Variants in C12orf54 observed in about 807,000 individuals in gnomAD.
The protein encoded by C12orf54 is chromosome 12 open reading frame 54, also known as uncharacterized protein C12orf54.
In C12orf54, 24 loss-of-function variants were observed where a neutral mutation model predicts 26.4. The observed-to-expected ratio is 0.91, with a 90% CI of 0.66 to 1.28. The LOEUF (loss-of-function observed/expected upper bound fraction) is 1.28, where lower values mean the gene tolerates loss of function less well. Ranked by LOEUF, C12orf54 falls within the 50% of genes most tolerant of loss-of-function variation. C12orf54 has a pLI of 0.00. For missense variants in C12orf54, 154 were observed against 150.9 expected, an observed-to-expected ratio of 1.02 and a Z score of -0.11; for synonymous variants, 54 against 47.0, an observed-to-expected ratio of 1.15 and a Z score of -0.61.
the C12orf54 span, chr12:48,473,662 T>TG: frequency 1.9e-5 from 5 of 257,498 alleles, no homozygotes; most frequent in South Asian, 2.4e-4. Flanking sequence ...CCAGTTTTTG[T>TG]CCCTGTAAAT....
the C12orf54 span, among the ~76,000 whole-genome samples, chr12:48,451,071 G>GA: frequency 2.0e-5 from 3 of 152,184 alleles, no homozygotes; most frequent in East Asian, 1.9e-4. Context: ...GAACATCAAA[G>GA]AAAAAATCCT....
chr12:48,417,595 G>A, the C12orf54 span, among the ~76,000 whole-genome samples: 4 of 151,984 alleles, frequency 2.6e-5, no homozygotes, highest in Non-Finnish European at 5.9e-5. Flanking sequence ...TTCAGCTTTC[G>A]TTTTAGATTC....
chr12:48,451,621 C>T, the C12orf54 span, among the ~76,000 whole-genome samples: 1 of 152,192 alleles, frequency 6.6e-6, no homozygotes, highest in Non-Finnish European at 1.5e-5. Flanking sequence ...GCTTCTTAAG[C>T]TGATAAGCAA....
the C12orf54 span, among the ~76,000 whole-genome samples, chr12:48,474,396 A>G: frequency 1.3e-5 from 2 of 152,144 alleles, no homozygotes; most frequent in African/African-American, 4.8e-5. Context: ...CAGTAGGTGC[A>G]GGACAGTGGG....
chr12:48,434,057 C>G, the C12orf54 span, among the ~76,000 whole-genome samples: 1 of 152,208 alleles, frequency 6.6e-6, no homozygotes, highest in African/African-American at 2.4e-5. Flanking sequence ...TCGGGTCACT[C>G]CCACCCTAAT....
the C12orf54 span, among the ~76,000 whole-genome samples, chr12:48,420,311 G>T: frequency 6.6e-6 from 1 of 152,178 alleles, no homozygotes; most frequent in East Asian, 1.9e-4. Flanking sequence ...TTCCTTATAT[G>T]TATGGATGTA....
At chr12:48,448,987 C>G in the C12orf54 span, among the ~76,000 whole-genome samples, 1 of 152,152 alleles carries the variant, frequency 6.6e-6, no homozygotes, top group Non-Finnish European at 1.5e-5. Flanking sequence ...GAAGAGGGGG[C>G]AGCTATGGGC....
chr12:48,495,015 C>T, intron 8 of C12orf54, 36 bp downstream of exon 8: 1 of 1,490,708 alleles, frequency 6.7e-7, no homozygotes, highest in Non-Finnish European at 9.2e-7. Context: ...CTGAGCTCCA[C>T]CCTGCCCATC....
chr12:48,482,861 G>A (rs1321338673), intron 1 of C12orf54, among the ~76,000 whole-genome samples: 2 of 151,976 alleles, frequency 1.3e-5, no homozygotes, highest in Non-Finnish European at 2.9e-5. Context: ...TCCTGTCCTT[G>A]CCTGAACTCA....
chr12:48,487,863 T>C lies in C12orf54; in HGVS notation c.136-1061T>C, dbSNP rs145560663. 2.4e-4 allele frequency: 129 copies of C among 545,874 alleles called. 2 individuals carry two copies. The highest frequency in any genetic ancestry group is 2.0e-3 in the African/African-American group (105 of 53,170). 33.8% of individuals were successfully genotyped at this position (545,874 alleles called of 1,614,324 possible). On this transcript the variant is annotated intron_variant, in intron 4 of 8. Transcript: ENST00000548364. ...ACAGTTCCAACAGTCACTGGATCCA[T>C]TCATGGCTGGGTAACACAGTAGGTG...
At chr12:48,413,837 C>T in the C12orf54 span, among the ~76,000 whole-genome samples, 1 of 152,146 alleles carries the variant, frequency 6.6e-6, no homozygotes, top group Non-Finnish European at 1.5e-5. Context: ...AACTAAATGA[C>T]ATCTCAAATT....
chr12:48,448,745 A>G, the C12orf54 span, among the ~76,000 whole-genome samples: 1 of 152,208 alleles, frequency 6.6e-6, no homozygotes, highest in East Asian at 1.9e-4. Context: ...TTTTAATTGA[A>G]TACAATACTT....
the C12orf54 span, among the ~76,000 whole-genome samples, chr12:48,456,581 C>T: frequency 2.1e-4 from 32 of 152,230 alleles, no homozygotes; most frequent in South Asian, 8.3e-4. Flanking sequence ...CCTCGCCTGC[C>T]GTGACCTTGG....
intron 6 of C12orf54, among the ~76,000 whole-genome samples, chr12:48,492,401 C>A (rs1343550508): frequency 6.6e-6 from 1 of 152,184 alleles, no homozygotes; most frequent in Non-Finnish European, 1.5e-5. Flanking sequence ...CCAAGCTTAC[C>A]TCTGCTTAGA....
chr12:48,474,567 T>C, the C12orf54 span, among the ~76,000 whole-genome samples: 2 of 152,168 alleles, frequency 1.3e-5, no homozygotes, highest in African/African-American at 2.4e-5. Context: ...TCCAATGGGC[T>C]TAAAAAAAGC....
At chr12:48,452,284 G>A in the C12orf54 span, among the ~76,000 whole-genome samples, 1 of 152,106 alleles carries the variant, frequency 6.6e-6, no homozygotes, top group Admixed American at 6.5e-5. Flanking sequence ...CTAGCCATAC[G>A]CAGATAGTTG....
At chr12:48,474,438 C>T in the C12orf54 span, among the ~76,000 whole-genome samples, 4 of 152,272 alleles carry the variant, frequency 2.6e-5, no homozygotes, top group Middle Eastern at 3.4e-3. Flanking sequence ...CGAAGCAGGG[C>T]GAGGCATCAT....
upstream of C12orf54, among the ~76,000 whole-genome samples, chr12:48,478,727 A>G (rs1182050453): frequency 6.6e-6 from 1 of 152,226 alleles, no homozygotes; most frequent in Non-Finnish European, 1.5e-5. Context: ...ACACTTCTCA[A>G]AAGAAGACAT....
upstream of C12orf54, among the ~76,000 whole-genome samples, chr12:48,481,212 A>ATTT (rs1565569267): frequency 2.6e-3 from 96 of 36,476 alleles, no homozygotes; most frequent in African/African-American, 0.024. Context: ...TTTTTTTTTA[A>ATTT]AAAAAATGAC....
Sources: allele counts gnomAD v4.1 joint callset (sites outside exome capture counted in the v4.1 genomes callset), GRCh38; gene constraint gnomAD v4.1.1; transcripts MANE v1.5; gene names NCBI Gene and HGNC (gene_info 2026-07-23, HGNC 2026-07-21).